Variants in SEMA6B observed in about 807,000 individuals in gnomAD.
The protein encoded by SEMA6B is semaphorin-6B.
SEMA6B carries 47 observed loss-of-function variants against 78.6 expected under a neutral mutation model. That is an observed-to-expected ratio of 0.60 (90% CI 0.47 to 0.76). The LOEUF (loss-of-function observed/expected upper bound fraction) is 0.76, where lower values mean the gene tolerates loss of function less well. Among genes scored for constraint, SEMA6B ranks in the 30% least tolerant of loss-of-function variants. SEMA6B has a pLI of 0.00. For missense variants in SEMA6B, 1,213 were observed against 1,269.9 expected, an observed-to-expected ratio of 0.96 and a Z score of 0.68; for synonymous variants, 632 against 592.2, an observed-to-expected ratio of 1.07 and a Z score of -0.98.
rs1320524167 is a variant in SEMA6B, at chr19:4,550,050, C to A, written c.1271+73G>T. 2 of 1,487,690 alleles carry A rather than the reference C, an allele frequency of 1.3e-6. No homozygotes were observed. The allele number at this position is 1,487,690 out of a possible 1,614,324, so 92.2% of individuals were successfully genotyped here. A position where few individuals can be genotyped will look rare whatever the true frequency, so the allele number is the denominator to read the frequency against. ...AAGCCATGGGCTCATCTGTGTTGAG[C>A]ATCTGGATCCTCTCACCCTCCATCT... On this transcript the variant is annotated intron_variant, in intron 12 of 16. Transcript: ENST00000586582. The surrounding 1 kb of genome is among the most constrained non-coding windows in gnomAD (Gnocchi z 6.6).
rs1977226813 is a variant in SEMA6B, at chr19:4,548,337, C to T, written c.1380G>A (p.Arg460=). ...ACGTCCCTGAGGTGCTGGCATTGGG[C>T]CGGACGAGGAACTTGAGGACCGTCC... The part of the protein sequence containing the change: ...EAGTVLKFLV[R]PNASTSGTSG... Residue 460 remains arginine (R), a synonymous_variant, in exon 13 of 17, where the codon CGG becomes CGA. Coordinates refer to ENST00000586582, the MANE Select transcript of SEMA6B (RefSeq NM_032108.4). 1 of 1,613,808 alleles carries T rather than the reference C, an allele frequency of 6.2e-7. No individual in the cohort carries two copies. The highest frequency in any genetic ancestry group is 1.3e-5 in the African/African-American group (1 of 74,932).
At chr19:4,557,259 T>C (rs1340769206) in intron 3 of SEMA6B, 36 bp from the exon 4 acceptor site, 1 of 1,503,498 alleles carries the variant, frequency 6.7e-7, no homozygotes, top group African/African-American at 1.4e-5. Flanking sequence ...AACTGGGGGC[T>C]CCGCCACCCT....
Position 4,558,349 on chromosome 19 carries a change from C to A in SEMA6B, c.109G>T (p.Ala37Ser). 7.6e-7 allele frequency: 1 copy of A among 1,308,104 alleles called. No individual in the cohort carries two copies. Among genetic ancestry groups the A allele is most frequent in the Admixed American group, 3.3e-5 (1 of 30,462 alleles). The allele number at this position is 1,308,104 out of a possible 1,614,324, so 81.0% of individuals were successfully genotyped here. ...FPEEPPPLSVAPRDYLNHYPV... is the reference protein window; with the variant it reads ...FPEEPPPLSVSPRDYLNHYPV... Reference sequence around the variant, plus strand: ...CCCCCAGACTCACAGTCCCTGGGGGCCACGCTAAGCGGCGGCGGCTCCTCA... The same window carrying A: ...CCCCCAGACTCACAGTCCCTGGGGGACACGCTAAGCGGCGGCGGCTCCTCA... The change falls in exon 2 of 17, where the codon GCC (alanine) becomes TCC (serine). Residue 37 changes from alanine (A) to serine (S), a missense_variant. Coordinates refer to ENST00000586582, the MANE Select transcript of SEMA6B (RefSeq NM_032108.4). The surrounding 1 kb of genome is among the most constrained non-coding windows in gnomAD (Gnocchi z 5.1).
chr19:4,548,298 G>GACA lies in SEMA6B; in HGVS notation c.1416_1418dup (p.Val473dup). 6.2e-7 allele frequency: 1 copy of GACA among 1,613,686 alleles called. No individual in the cohort carries two copies. The highest frequency in any genetic ancestry group is 1.1e-5 in the South Asian group (1 of 91,084). ...GGTAGGTCTCAAACTCCTCCAGGAAGACACTGAGCCCAGACGTCCCTGAGG... is the reference window on the plus strand; with the variant it reads ...GGTAGGTCTCAAACTCCTCCAGGAAGACAACACTGAGCCCAGACGTCCCTGAGG... On this transcript the variant is annotated inframe_insertion, in exon 13 of 17. Transcript: ENST00000586582.
Position 4,544,628 on chromosome 19 carries a change from TA to T in SEMA6B, c.1739-100del. Reference sequence around the variant, plus strand: ...CCTCTGTCCTCTTTTTTATTATTTTTATTTTTTTTTATTTATTTATTTTTTG... The same window carrying T: ...CCTCTGTCCTCTTTTTTATTATTTTTTTTTTTTTTATTTATTTATTTTTTG... On this transcript the variant is annotated intron_variant, in intron 16 of 16. Coordinates refer to ENST00000586582, the MANE Select transcript of SEMA6B (RefSeq NM_032108.4). This position sits in a 1 kb window ranked among gnomAD's most constrained non-coding sequence, Gnocchi z 5.1. The T allele has an allele frequency of 3.3e-6, 2 of 612,596 alleles. No individual in the cohort carries two copies. Among genetic ancestry groups the T allele is most frequent in the Non-Finnish European group, 2.4e-6 (1 of 418,492 alleles). The allele number at this position is 612,596 out of a possible 1,614,324, so 37.9% of individuals were successfully genotyped here.
rs1173376146 is a variant in SEMA6B at position 4,543,488 on chromosome 19, C to CG, written c.*112dup. 6 of 371,954 alleles carry CG rather than the reference C, an allele frequency of 1.6e-5. No individual in the cohort carries two copies. Among genetic ancestry groups the CG allele is most frequent in the South Asian group, 1.3e-4 (1 of 7,810 alleles). 23.0% of individuals were successfully genotyped at this position (371,954 alleles called of 1,614,324 possible). ...GGCCCCCCACTCCGCGGGTGGGTCGCGGGGGGGACTTGAGCACCCACTCGG... is the reference window on the plus strand; with the variant it reads ...GGCCCCCCACTCCGCGGGTGGGTCGCGGGGGGGGACTTGAGCACCCACTCGG... On this transcript the variant is annotated 3_prime_UTR_variant, in exon 17 of 17. Transcript: ENST00000586582.
chr19:4,553,411 ATAGGTGAGTTGGATGGG>A (rs1977383765), intron 9 of SEMA6B, among the ~76,000 whole-genome samples: 44 of 135,906 alleles, frequency 3.2e-4, no homozygotes, highest in South Asian at 9.7e-4. Context: ...GGATGGATGG[ATAGGTGAGTTGGATGGG>A]TGGATGGTTG....
In SEMA6B at chr19:4,543,533, G is replaced by A. The variant is rs1977075630; in HGVS notation, c.*68C>T. On this transcript the variant is annotated 3_prime_UTR_variant, in exon 17 of 17. Transcript: ENST00000586582. ...ACTCGGAGTTGCCCCGGGCCCCGGC[G>A]TTCTGGCACCGTCTCTCGCTCCTGG... is the stretch of plus-strand genomic sequence containing the variant. The A allele has an allele frequency of 1.1e-6, 1 of 888,896 alleles. No homozygotes were observed. Among genetic ancestry groups the A allele is most frequent in the Non-Finnish European group, 1.5e-6 (1 of 674,496 alleles). 55.1% of individuals were successfully genotyped at this position (888,896 alleles called of 1,614,324 possible).
Position 4,542,912 on chromosome 19 carries a change from G to A in SEMA6B, c.*689C>T, listed in dbSNP as rs911996832. The A allele has an allele frequency of 7.1e-6, 5 of 701,072 alleles. No homozygotes were observed. Among genetic ancestry groups the A allele is most frequent in the African/African-American group, 1.8e-5 (1 of 57,128 alleles). The allele number at this position is 701,072 out of a possible 1,614,324, so 43.4% of individuals were successfully genotyped here. On this transcript the variant is annotated 3_prime_UTR_variant, in exon 17 of 17. Transcript: ENST00000586582. ...CGCTTCCCTCTGCAGAGTGGGGGGG[G>A]TTCAAACTCCTAACCGGCACCTCGG...
Position 4,544,122 on chromosome 19 carries a change from G to T in SEMA6B, c.2146C>A (p.Pro716Thr). ...LLPTPEQTPL[P>T]QKRLPTPHPH... ...TGCGGAGTGGGCAGGCGCTTCTGCG[G>T]CAGCGGCGTCTGCTCGGGCGTGGGC... Residue 716 changes from proline to threonine, a missense_variant, in exon 17 of 17, where the codon CCG (proline) becomes ACG (threonine). By Grantham distance (38) the Pro-to-Thr change is conservative. Transcript: ENST00000586582. This position sits in a 1 kb window ranked among gnomAD's most constrained non-coding sequence, Gnocchi z 5.1. 2.4e-6 allele frequency: 3 copies of T among 1,274,168 alleles called. No individual in the cohort carries two copies. Among genetic ancestry groups the T allele is most frequent in the Non-Finnish European group, 3.0e-6 (3 of 1,011,772 alleles). The allele number at this position is 1,274,168 out of a possible 1,614,324, so 78.9% of individuals were successfully genotyped here.
In SEMA6B at chr19:4,550,998, G is replaced by A; in HGVS notation, c.990-68C>T. 6.4e-7 allele frequency: 1 copy of A among 1,573,798 alleles called. No individual in the cohort carries two copies. Among genetic ancestry groups the A allele is most frequent in the East Asian group, 2.2e-5 (1 of 44,492 alleles). ...GCCCCATCTCGGACAAGTGCGTGCAGGAGCCTCTGTCTGCAGGAGCCAGTG... is the reference window on the plus strand; with the variant it reads ...GCCCCATCTCGGACAAGTGCGTGCAAGAGCCTCTGTCTGCAGGAGCCAGTG... On this transcript the variant is annotated intron_variant, in intron 10 of 16. Coordinates refer to ENST00000586582, the MANE Select transcript of SEMA6B (RefSeq NM_032108.4). The surrounding 1 kb of genome is among the most constrained non-coding windows in gnomAD (Gnocchi z 6.6).
rs1313320936 is a variant in SEMA6B, at chr19:4,543,908, A to C, written c.2360T>G (p.Phe787Cys). The C allele has an allele frequency of 8.3e-7, 1 of 1,201,756 alleles. No homozygotes were observed. Among genetic ancestry groups the C allele is most frequent in the African/African-American group, 1.6e-5 (1 of 62,526 alleles). 74.4% of individuals were successfully genotyped at this position (1,201,756 alleles called of 1,614,324 possible). The change falls in exon 17 of 17, where the codon TTC becomes TGC. Residue 787 changes from phenylalanine to cysteine, a missense_variant. Transcript: ENST00000586582. ...CGGGCTGGCGTGGGGGGTGAGCGGGAAGTCGCCGTGGGAGGCGCGGCCGGG... is the reference window on the plus strand; with the variant it reads ...CGGGCTGGCGTGGGGGGTGAGCGGGCAGTCGCCGTGGGAGGCGCGGCCGGG... The part of the protein sequence containing the change: ...ARPGRASHGD[F>C]PLTPHASPDR...
intron 3 of SEMA6B, 71 bp from the exon 4 acceptor site, chr19:4,557,294 C>CAGTGGG: frequency 1.8e-6 from 2 of 1,140,864 alleles, no homozygotes; most frequent in Non-Finnish European, 2.5e-6. Flanking sequence ...TTCCCACTGC[C>CAGTGGG]AATGTGGTGT....
At chr19:4,557,866 C>G (rs1977514336) in intron 3 of SEMA6B, among the ~76,000 whole-genome samples, 160 bp downstream of exon 3, 1 of 152,112 alleles carries the variant, frequency 6.6e-6, no homozygotes, top group Non-Finnish European at 1.5e-5. Context: ...TAAAACCCTC[C>G]GTGGCTCCCA....
In SEMA6B at chr19:4,555,094, G is replaced by T; in HGVS notation, c.564C>A (p.Asp188Glu). The change falls in exon 8 of 17, where the codon GAC (aspartate) becomes GAA (glutamate). Residue 188 changes from aspartate (D) to glutamate (E), a missense_variant and splice_region_variant. Physicochemically the swap from Asp to Glu is conservative, Grantham distance 45. Transcript: ENST00000586582. This position sits in a 1 kb window ranked among gnomAD's most constrained non-coding sequence, Gnocchi z 6.1. Reference sequence around the variant, plus strand: ...TAACAGTAGCTGTGAAGAGCATCCCGTCTGGATGGGGTGGGTGGGGAAGGC... The same window carrying T: ...TAACAGTAGCTGTGAAGAGCATCCCTTCTGGATGGGGTGGGTGGGGAAGGC... Reference protein sequence around the residue: ...PKHANVALFSDGMLFTATVTD... With the variant: ...PKHANVALFSEGMLFTATVTD... 6.2e-7 allele frequency: 1 copy of T among 1,613,614 alleles called. No individual in the cohort carries two copies.
rs527984576 is a variant in SEMA6B at position 4,555,888 on chromosome 19, G to A, written c.471+100C>T. On this transcript the variant is annotated intron_variant, in intron 6 of 16. Transcript: ENST00000586582. This position sits in a 1 kb window ranked among gnomAD's most constrained non-coding sequence, Gnocchi z 6.1. ...AGAGTATATCCAGGAAGGCTTCCTG[G>A]AGGAGGTGACACGGCCTGGGGAAAA... 39 of 943,006 alleles carry A rather than the reference G, an allele frequency of 4.1e-5. No homozygotes were observed. The African/African-American group carries it at 4.5e-4, about 11-fold the overall frequency. The allele number at this position is 943,006 out of a possible 1,614,324, so 58.4% of individuals were successfully genotyped here.
intron 3 of SEMA6B, 150 bp from the exon 4 acceptor site, chr19:4,557,373 C>G (rs983324233): frequency 6.5e-6 from 4 of 618,070 alleles, no homozygotes; most frequent in African/African-American, 1.8e-5. Flanking sequence ...ACCACACCCC[C>G]CCAAGGGCCC....
In SEMA6B at chr19:4,558,450, G is replaced by C. The variant is rs367591713; in HGVS notation, c.8C>G (p.Thr3Ser). The C allele has an allele frequency of 3.2e-6, 4 of 1,247,508 alleles. No individual in the cohort carries two copies. The highest frequency in any genetic ancestry group is 4.0e-6 in the Non-Finnish European group (4 of 990,650). The allele number at this position is 1,247,508 out of a possible 1,614,324, so 77.3% of individuals were successfully genotyped here. MQ[T>S]PRASPPRPAL... ...CGGGCGGGGAGGGGACGCTCGCGGGGTCTGCATGGCGAGGGCCAGGCGACA... is the reference window on the plus strand; with the variant it reads ...CGGGCGGGGAGGGGACGCTCGCGGGCTCTGCATGGCGAGGGCCAGGCGACA... The change falls in exon 2 of 17, where the codon ACC (threonine) becomes AGC (serine). Residue 3 changes from threonine to serine, a missense_variant. Physicochemically the swap from Thr to Ser is moderately conservative, Grantham distance 58. Coordinates refer to ENST00000586582, the MANE Select transcript of SEMA6B (RefSeq NM_032108.4). This position sits in a 1 kb window ranked among gnomAD's most constrained non-coding sequence, Gnocchi z 5.1.
intron 10 of SEMA6B, among the ~76,000 whole-genome samples, chr19:4,551,810 C>T (rs1286215758): frequency 2.7e-5 from 4 of 146,920 alleles, no homozygotes; most frequent in African/African-American, 5.0e-5. Context: ...GCCTGGGCAA[C>T]AAGAGTGAAA....
Sources: gnomAD v4.1 joint callset for allele counts (sites outside exome capture counted in the v4.1 genomes callset) on GRCh38, gnomAD v4.1.1 for gene constraint, Gnocchi (gnomAD v3.1) non-coding constraint, MANE v1.5 for transcripts, NCBI Gene and HGNC (gene_info 2026-07-23, HGNC 2026-07-21) for gene names.